ANTXRL: variants seen among roughly 807,000 people sequenced by gnomAD.
ANTXRL encodes anthrax toxin receptor-like.
A neutral mutation model predicts 75.4 loss-of-function variants in ANTXRL; 63 were observed. That is an observed-to-expected ratio of 0.84 (90% CI 0.68 to 1.03). ANTXRL has a LOEUF of 1.03. ANTXRL is among the 50% of genes least tolerant of loss of function. The pLI is 0.00. For synonymous variants in ANTXRL, 335 were observed against 291.3 expected (o/e 1.15, Z -1.53); for missense variants, 797 against 789.4 (o/e 1.01, Z -0.12).
chr10:46,306,177 C>T (rs73291021), intron 10 of ANTXRL, among the ~76,000 whole-genome samples: 294 of 152,330 alleles, frequency 1.9e-3, no homozygotes, highest in African/African-American at 6.9e-3. Context: ...GCTGGCTCCT[C>T]ATCTTTTTAA....
intron 15 of ANTXRL, among the ~76,000 whole-genome samples, chr10:46,312,832 A>C (rs1838505749): frequency 6.7e-6 from 1 of 150,210 alleles, no homozygotes; most frequent in African/African-American, 2.5e-5. Context: ...TGAGCAGGGC[A>C]TGGTCCTCTC....
chr10:46,329,877 CT>C lies in ANTXRL; in HGVS notation c.1693del (p.Ser565ProfsTer36). 1 of 1,535,314 alleles carries C rather than the reference CT, an allele frequency of 6.5e-7. No homozygotes were observed. ...TCTGCCTGAGACACAGCCCGGAGTA[CT>C]TTTCCCAAGCACAGACTCTGTGCAA... Reference protein sequence around the residue: ...RICLRHSPEYFSQAQTLCNPK... With the variant: ...RICLRHSPEYXSQAQTLCNPK... On this transcript the variant is annotated frameshift_variant, in exon 17 of 17. Transcript: ENST00000620264. LOFTEE classifies it high-confidence loss of function.
chr10:46,301,641 T>C (rs1837751910), intron 9 of ANTXRL, among the ~76,000 whole-genome samples: 1 of 152,198 alleles, frequency 6.6e-6, no homozygotes, highest in Admixed American at 6.5e-5. Context: ...TTTCCCATTT[T>C]CCAAGAAAGC....
intron 1 of ANTXRL, 97 bp from the exon 2 acceptor site, chr10:46,291,961 C>T (rs1837007311): frequency 1.7e-6 from 2 of 1,153,192 alleles, no homozygotes; most frequent in Non-Finnish European, 2.5e-6. Context: ...GTCAGGAGAG[C>T]TTGTTAAGAG....
intron 16 of ANTXRL, among the ~76,000 whole-genome samples, chr10:46,324,739 T>C (rs888120886): frequency 6.6e-6 from 1 of 152,128 alleles, no homozygotes; most frequent in Non-Finnish European, 1.5e-5. Context: ...TGTTTCATTA[T>C]GGGCCTGAGT....
chr10:46,293,978 G>T, intron 3 of ANTXRL, 78 bp downstream of exon 3: 2 of 1,364,560 alleles, frequency 1.5e-6, no homozygotes, highest in Non-Finnish European at 2.0e-6. Flanking sequence ...AAGGGCTCCC[G>T]GAGACCTTGG....
chr10:46,308,694 C>T lies in ANTXRL; in HGVS notation c.1045-419C>T, dbSNP rs1437265519. ...GTGGAGGCTGAGGCTCAGAGCAGTG[C>T]GTGGATGTGCCCACGGTGCAGAGCC... On this transcript the variant is annotated intron_variant, in intron 12 of 16. Transcript: ENST00000620264. The T allele has an allele frequency of 2.8e-4, 96 of 341,982 alleles. 1 individual carries two copies. The highest frequency in any genetic ancestry group is 1.3e-3 in the South Asian group (56 of 43,082). The allele number at this position is 341,982 out of a possible 1,614,324, so 21.2% of individuals were successfully genotyped here. A position where few individuals can be genotyped will look rare whatever the true frequency, so the allele number is the denominator to read the frequency against.
At chr10:46,309,277 GC>G (rs10572939) in intron 13 of ANTXRL, 75 bp downstream of exon 13, 2 of 1,527,654 alleles carry the variant, frequency 1.3e-6, no homozygotes, top group East Asian at 2.5e-5. Flanking sequence ...ACATGTGACT[GC>G]CCCCCGTGAT....
chr10:46,325,660 A>T (rs1267199687), intron 16 of ANTXRL, among the ~76,000 whole-genome samples: 1 of 152,146 alleles, frequency 6.6e-6, no homozygotes, highest in African/African-American at 2.4e-5. Flanking sequence ...TTTCAGAAAC[A>T]GTGTTTCTAA....
At chr10:46,315,012 T>C (rs1373135219) in intron 16 of ANTXRL, among the ~76,000 whole-genome samples, 1 of 152,210 alleles carries the variant, frequency 6.6e-6, no homozygotes, top group Non-Finnish European at 1.5e-5. Context: ...GTAAGATTTC[T>C]GTCGGATACC....
intron 12 of ANTXRL, chr10:46,308,703 G>T (rs1175804332): frequency 5.9e-5 from 20 of 338,590 alleles, no homozygotes; most frequent in South Asian, 1.2e-4. Context: ...GCGTGGATGT[G>T]CCCACGGTGC....
chr10:46,310,321 G>A (rs569726815), intron 13 of ANTXRL, 140 bp from the exon 14 acceptor site: 2 of 802,940 alleles, frequency 2.5e-6, no homozygotes, highest in South Asian at 2.9e-5. Context: ...CAAGTTCACA[G>A]GCTCAGGGTG....
intron 16 of ANTXRL, among the ~76,000 whole-genome samples, chr10:46,315,373 C>T (rs1464557866): frequency 1.3e-5 from 2 of 152,202 alleles, no homozygotes; most frequent in Non-Finnish European, 2.9e-5. Context: ...GTGGCTCGGC[C>T]CCAGCCAGGC....
chr10:46,311,884 G>A (rs1403523380), intron 15 of ANTXRL, among the ~76,000 whole-genome samples: 3 of 151,832 alleles, frequency 2.0e-5, no homozygotes, highest in Non-Finnish European at 2.9e-5. Context: ...GCACCACCGG[G>A]TCTGTCCCCA....
At chr10:46,294,778 AGGGCATGGCCTCTTCTGGGTAT>A (rs1837265209) in intron 3 of ANTXRL, among the ~76,000 whole-genome samples, 1 of 152,114 alleles carries the variant, frequency 6.6e-6, no homozygotes, top group Non-Finnish European at 1.5e-5. Context: ...GAGGAAGGCC[AGGGCATGGCCTCTTCTGGGTAT>A]GGATGGGTCT....
intron 1 of ANTXRL, 44 bp from the exon 2 acceptor site, chr10:46,292,014 A>G (rs781943347): frequency 6.7e-7 from 1 of 1,498,126 alleles, no homozygotes; most frequent in Non-Finnish European, 9.0e-7. Flanking sequence ...TGCCCATCGG[A>G]GAGATGCACT....
At chr10:46,317,896 C>T (rs1838810826) in intron 16 of ANTXRL, among the ~76,000 whole-genome samples, 1 of 152,148 alleles carries the variant, frequency 6.6e-6, no homozygotes, top group Admixed American at 6.5e-5. Flanking sequence ...TAGATATCTG[C>T]AATCAGTAGA....
Position 46,311,434 on chromosome 10 carries a change from C to G in ANTXRL, c.1174-76C>G, listed in dbSNP as rs1838414782. The stretch of plus-strand genomic sequence containing the variant: ...GGTTTCTTTCTGGTCCTTTCATTCC[C>G]CAGACACACATCTGGGAGTGGCCAG... On this transcript the variant is annotated intron_variant, in intron 14 of 16. Coordinates refer to ENST00000620264, the MANE Select transcript of ANTXRL (RefSeq NM_001278688.3). 4 of 1,424,864 alleles carry G rather than the reference C, an allele frequency of 2.8e-6. No individual in the cohort carries two copies. The Admixed American group carries it at 1.1e-4, about 40-fold the overall frequency. 88.3% of individuals were successfully genotyped at this position (1,424,864 alleles called of 1,614,324 possible). A position where few individuals can be genotyped will look rare whatever the true frequency, so the allele number is the denominator to read the frequency against.
chr10:46,292,314 G>A (rs545692187), intron 2 of ANTXRL, among the ~76,000 whole-genome samples, 185 bp downstream of exon 2: 159 of 152,216 alleles, frequency 1.0e-3, no homozygotes, highest in Non-Finnish European at 2.0e-3. Context: ...GGGTCTCAGC[G>A]GCCTTGGCTG....
Sources: gnomAD v4.1 joint callset for allele counts (sites outside exome capture counted in the v4.1 genomes callset) on GRCh38, gnomAD v4.1.1 for gene constraint, MANE v1.5 for transcripts, NCBI Gene and HGNC (gene_info 2026-07-23, HGNC 2026-07-21) for gene names.